HMCN2: variants seen among roughly 807,000 people sequenced by gnomAD.
The protein encoded by HMCN2 is hemicentin-2.
Under a neutral mutation model 377.5 loss-of-function variants are expected in HMCN2, and 325 were observed. That is an observed-to-expected ratio of 0.86 (90% confidence interval 0.79 to 0.94). The LOEUF is 0.94. Among genes scored for constraint, HMCN2 ranks in the 40% least tolerant of loss-of-function variants. The pLI, the probability that HMCN2 is intolerant of heterozygous loss-of-function variation, is 0.00. For synonymous variants in HMCN2, 2,007 were observed against 2,046.8 expected (o/e 0.98, Z 0.53); for missense variants, 4,543 against 4,725.3 (o/e 0.96, Z 1.13).
chr9:130,425,008 G>T lies in HMCN2; in HGVS notation c.13520-1G>T. The T allele has an allele frequency of 6.5e-7, 1 of 1,543,768 alleles. No individual in the cohort carries two copies. Among genetic ancestry groups the T allele is most frequent in the Non-Finnish European group, 8.7e-7 (1 of 1,143,284 alleles). On this transcript the variant is annotated splice_acceptor_variant, in intron 88 of 97. Transcript: ENST00000683500. LOFTEE classifies it high-confidence loss of function. ...CTGGGCTGGGTGGGGATGGTTTGCA[G>T]GGGAGCTGCTCACGATGACCCAGGT...
chr9:130,365,657 G>A lies in HMCN2; in HGVS notation c.6435G>A (p.Ala2145=), dbSNP rs956088818. The A allele has an allele frequency of 1.0e-5, 10 of 985,890 alleles. No homozygotes were observed. In the African/African-American group the frequency reaches 1.7e-4, roughly 17 times the overall value. 61.1% of individuals were successfully genotyped at this position (985,890 alleles called of 1,614,324 possible). A position where few individuals can be genotyped will look rare whatever the true frequency, so the allele number is the denominator to read the frequency against. Residue 2145 remains alanine (A), a synonymous_variant, in exon 42 of 98, where the codon GCG becomes GCA. Coordinates refer to ENST00000683500, the MANE Select transcript of HMCN2 (RefSeq NM_001291815.2). The stretch of plus-strand genomic sequence containing the variant: ...TGGACAGAGCCGATGTGTGGGATGC[G>A]GGCCATTACACCTGTGAGGCACTGA... ...LQVDRADVWD[A]GHYTCEALNQ...
chr9:130,433,562 G>T lies in HMCN2; in HGVS notation c.15109G>T (p.Gly5037Cys). The change falls in exon 98 of 98, where the codon GGC (glycine) becomes TGC (cysteine). Residue 5037 changes from glycine (G) to cysteine (C), a missense_variant. This residue lies in a region of HMCN2 where 1,155 missense variants were observed against 1,157.7 expected (regional missense o/e 1.00). Coordinates refer to ENST00000683500, the MANE Select transcript of HMCN2 (RefSeq NM_001291815.2). The part of the protein sequence containing the change: ...SPFALRPLRA[G>C]LGAVYTRRAL... ...CTTCGCGCTGCGTCCGCTGCGCGCG[G>T]GCCTTGGCGCGGTCTACACCCGTCG... The T allele has an allele frequency of 6.8e-7, 1 of 1,476,130 alleles. No individual in the cohort carries two copies. The highest frequency in any genetic ancestry group is 8.9e-7 in the Non-Finnish European group (1 of 1,118,696). The allele number at this position is 1,476,130 out of a possible 1,614,324, so 91.4% of individuals were successfully genotyped here.
At chr9:130,320,722 C>A (rs1220181038) in intron 17 of HMCN2, 54 bp from the exon 18 acceptor site, 1 of 152,218 alleles carries the variant, frequency 6.6e-6, no homozygotes, top group Non-Finnish European at 1.5e-5. Flanking sequence ...CTCTGTCCCC[C>A]AGACAACCAC....
chr9:130,403,106 C>CCT (rs1842931387), intron 78 of HMCN2, 88 bp from the exon 79 acceptor site: 1 of 1,181,332 alleles, frequency 8.5e-7, no homozygotes, highest in Non-Finnish European at 1.1e-6. Context: ...TCCTTAGAGG[C>CCT]CTCTCTCTCT....
chr9:130,392,100 G>T lies in HMCN2; in HGVS notation c.10118G>T (p.Gly3373Val). 1 of 988,368 alleles carries T rather than the reference G, an allele frequency of 1.0e-6. No homozygotes were observed. The highest frequency in any genetic ancestry group is 1.7e-5 in the African/African-American group (1 of 57,444). 61.2% of individuals were successfully genotyped at this position (988,368 alleles called of 1,614,324 possible). Residue 3373 changes from glycine (G) to valine (V), a missense_variant, in exon 66 of 98, where the codon GGC becomes GTC. Transcript: ENST00000683500. ...LPLSQRTLLHGSGHTLRISKV... is the reference protein window; with the variant it reads ...LPLSQRTLLHVSGHTLRISKV... Reference sequence around the variant, plus strand: ...CTCTCCCAGCGCACCCTCCTCCACGGCTCTGGCCACACCCTCAGGTAGGGG... The same window carrying T: ...CTCTCCCAGCGCACCCTCCTCCACGTCTCTGGCCACACCCTCAGGTAGGGG...
In HMCN2 at chr9:130,303,687, G is replaced by A. The variant is rs982553419; in HGVS notation, c.1543+79G>A. 4.8e-6 allele frequency: 1 copy of A among 206,800 alleles called. No individual in the cohort carries two copies. Among genetic ancestry groups the A allele is most frequent in the Non-Finnish European group, 1.1e-5 (1 of 89,192 alleles). 12.8% of individuals were successfully genotyped at this position (206,800 alleles called of 1,614,324 possible). ...CTTACCCCTAGGATTTCCTCCAGGC[G>A]AGTCTCCAGCCAGCTGCTGGGACAA... On this transcript the variant is annotated intron_variant, in intron 10 of 97. Transcript: ENST00000683500. This position sits in a 1 kb window ranked among gnomAD's most constrained non-coding sequence, Gnocchi z 5.2.
intron 1 of HMCN2, among the ~76,000 whole-genome samples, chr9:130,273,769 A>G (rs1834529653): frequency 6.6e-6 from 1 of 152,218 alleles, no homozygotes; most frequent in Non-Finnish European, 1.5e-5. Flanking sequence ...AAGTGCTGGG[A>G]TTACAGGCGT....
chr9:130,328,722 C>T (rs1463246777), intron 22 of HMCN2, among the ~76,000 whole-genome samples: 1 of 152,218 alleles, frequency 6.6e-6, no homozygotes, highest in African/African-American at 2.4e-5. Flanking sequence ...CTGCTCCCTT[C>T]TTAGTCATGC....
In HMCN2 at chr9:130,349,147, G is replaced by A; in HGVS notation, c.4303+16G>A. On this transcript the variant is annotated intron_variant, in intron 28 of 97. Transcript: ENST00000683500. ...CTTGTGCTCAGTGAGTGAGACCTGA[G>A]CCCTGTAACTCCCAAGTGTGTCTGG... 1 of 1,301,976 alleles carries A rather than the reference G, an allele frequency of 7.7e-7. No homozygotes were observed. Among genetic ancestry groups the A allele is most frequent in the Non-Finnish European group, 1.0e-6 (1 of 987,500 alleles). The allele number at this position is 1,301,976 out of a possible 1,614,324, so 80.7% of individuals were successfully genotyped here. A position where few individuals can be genotyped will look rare whatever the true frequency, so the allele number is the denominator to read the frequency against.
chr9:130,400,630 A>T, intron 76 of HMCN2, 153 bp from the exon 77 acceptor site: 1 of 330,562 alleles, frequency 3.0e-6, no homozygotes, highest in Non-Finnish European at 5.3e-6. Flanking sequence ...GGATGTGCTG[A>T]GTGGGCAAAT....
At chr9:130,380,806 AAAG>A (rs1462014717) in intron 54 of HMCN2, among the ~76,000 whole-genome samples, 14 of 151,972 alleles carry the variant, frequency 9.2e-5, no homozygotes, top group East Asian at 7.7e-4. Context: ...AAAAAAAAAA[AAAG>A]AAGGAGGCCT....
intron 22 of HMCN2, among the ~76,000 whole-genome samples, chr9:130,332,112 G>GCA (rs1838462082): frequency 6.6e-6 from 1 of 152,202 alleles, no homozygotes; most frequent in African/African-American, 2.4e-5. Flanking sequence ...AGCCAGTGGT[G>GCA]TGCCTGGACT....
rs1358092455 is a variant in HMCN2, at chr9:130,349,062, G to T, written c.4234G>T (p.Gly1412Trp). 5 of 1,304,236 alleles carry T rather than the reference G, an allele frequency of 3.8e-6. No homozygotes were observed. The highest frequency in any genetic ancestry group is 5.1e-6 in the Non-Finnish European group (5 of 988,932). The allele number at this position is 1,304,236 out of a possible 1,614,324, so 80.8% of individuals were successfully genotyped here. The change falls in exon 28 of 98, where the codon GGG (glycine) becomes TGG (tryptophan). Residue 1412 changes from glycine (G) to tryptophan (W), a missense_variant. By Grantham distance (184) the Gly-to-Trp change is radical. This residue lies in a region of HMCN2 where 1,032 missense variants were observed against 1,285.1 expected (regional missense o/e 0.80). Transcript: ENST00000683500. ...HFPRIQEGDS[G>W]LYSCRAENQA... Reference sequence around the variant, plus strand: ...CCCCAGGATCCAGGAGGGTGATTCTGGGCTCTACTCCTGCCGGGCAGAGAA... The same window carrying T: ...CCCCAGGATCCAGGAGGGTGATTCTTGGCTCTACTCCTGCCGGGCAGAGAA...
intron 22 of HMCN2, among the ~76,000 whole-genome samples, chr9:130,330,242 C>T (rs1838359749): frequency 1.3e-5 from 2 of 152,194 alleles, no homozygotes; most frequent in African/African-American, 4.8e-5. Flanking sequence ...CTCCTCTTCC[C>T]TGCTGAGCTG....
chr9:130,375,400 C>G (rs140466688), intron 49 of HMCN2, among the ~76,000 whole-genome samples, 163 bp from the exon 50 acceptor site: 55 of 152,370 alleles, frequency 3.6e-4, no homozygotes, highest in African/African-American at 1.3e-3. Flanking sequence ...GAGTTCAAGC[C>G]TGGCCACCCC....
Position 130,348,689 on chromosome 9 carries a change from T to A in HMCN2, c.4155+14T>A. 1 of 1,294,314 alleles carries A rather than the reference T, an allele frequency of 7.7e-7. No individual in the cohort carries two copies. Among genetic ancestry groups the A allele is most frequent in the South Asian group, 1.2e-5 (1 of 80,756 alleles). The allele number at this position is 1,294,314 out of a possible 1,614,324, so 80.2% of individuals were successfully genotyped here. ...GACGCGCAGCTGGTGGGTGTCCCCC[T>A]AGGGTGGGCGGGGTATGGGTGGGAT... On this transcript the variant is annotated intron_variant, in intron 27 of 97. Coordinates refer to ENST00000683500, the MANE Select transcript of HMCN2 (RefSeq NM_001291815.2).
chr9:130,379,380 G>A lies in HMCN2; in HGVS notation c.8344G>A (p.Asp2782Asn). ...VENNPAYLYC[D>N]TNAIPPPDLT... The stretch of plus-strand genomic sequence containing the variant: ...GAACAACCCAGCCTACCTGTACTGC[G>A]ACACCAACGCGATCCCACCCCCGGA... Residue 2782 changes from aspartate (D) to asparagine (N), a missense_variant, in exon 54 of 98, where the codon GAC becomes AAC. Around this residue, in one of 5 missense-constraint regions of HMCN2, gnomAD observed 736 missense variants for 773.2 expected, o/e 0.95. Transcript: ENST00000683500. 6 of 985,790 alleles carry A rather than the reference G, an allele frequency of 6.1e-6. No individual in the cohort carries two copies. The highest frequency in any genetic ancestry group is 7.2e-6 in the Non-Finnish European group (6 of 829,936). The allele number at this position is 985,790 out of a possible 1,614,324, so 61.1% of individuals were successfully genotyped here.
rs916576131 is a variant in HMCN2 at position 130,303,190 on chromosome 9, C to T, written c.1421+189C>T. Among the ~76,000 whole-genome samples, 3 of 152,218 alleles carry T rather than the reference C, an allele frequency of 2.0e-5. No individual in the cohort carries two copies. Among genetic ancestry groups the T allele is most frequent in the Non-Finnish European group, 4.4e-5 (3 of 68,042 alleles). ...AGGAGTTTTTCCGAGACTCCCACCA[C>T]TGCTGGGCCATCAGCTGGTGAAGGA... On this transcript the variant is annotated intron_variant, in intron 9 of 97. Transcript: ENST00000683500. The surrounding 1 kb of genome is among the most constrained non-coding windows in gnomAD (Gnocchi z 5.2).
chr9:130,355,109 G>C, intron 32 of HMCN2, 65 bp downstream of exon 32: 1 of 1,189,754 alleles, frequency 8.4e-7, no homozygotes, highest in South Asian at 1.5e-5. Context: ...CCTGCTGCGT[G>C]CTTGTCCCGA....
Sources: allele counts gnomAD v4.1 joint callset (sites outside exome capture counted in the v4.1 genomes callset), GRCh38; gene constraint gnomAD v4.1.1; regional missense constraint gnomAD v4.1.1; non-coding constraint Gnocchi (gnomAD v3.1); transcripts MANE v1.5; gene names NCBI Gene and HGNC (gene_info 2026-07-23, HGNC 2026-07-21).